The following ARRDC4 variants were observed in gnomAD, a reference collection of about 807,000 sequenced individuals.
The protein encoded by ARRDC4 is arrestin domain containing 4.
ARRDC4 carries 40 observed loss-of-function variants against 44.6 expected under a neutral mutation model. That is an observed-to-expected ratio of 0.90 (90% CI 0.70 to 1.17). The LOEUF (loss-of-function observed/expected upper bound fraction) is 1.17, where lower values mean the gene tolerates loss of function less well. ARRDC4 is among the 50% of genes most tolerant of loss of function. ARRDC4 has a pLI of 0.00. For missense variants in ARRDC4, 550 were observed against 559.1 expected, an observed-to-expected ratio of 0.98 and a Z score of 0.16; for synonymous variants, 211 against 221.2, an observed-to-expected ratio of 0.95 and a Z score of 0.41.
At position 97,971,302 on chromosome 15, in the gene ARRDC4, G is replaced by C. The variant is rs3803386; in HGVS notation, c.*115G>C. The C allele has an allele frequency of 0.033, 34,512 of 1,050,588 alleles. 1,217 individuals carry two copies. Among genetic ancestry groups the C allele is most frequent in the East Asian group, 0.19 (7,881 of 41,478 alleles). The allele number at this position is 1,050,588 out of a possible 1,614,324, so 65.1% of individuals were successfully genotyped here. A position where few individuals can be genotyped will look rare whatever the true frequency, so the allele number is the denominator to read the frequency against. ...ACTTGAAAACATAAATGAACGTCAA[G>C]ACTGAAGGCAATAGAAATTAAAGAA... On this transcript the variant is annotated 3_prime_UTR_variant, in exon 8 of 8. Coordinates refer to ENST00000268042, the MANE Select transcript of ARRDC4 (RefSeq NM_183376.3).
At position 97,969,342 on chromosome 15, in the gene ARRDC4, T is replaced by C. The variant is rs1899469469; in HGVS notation, c.845T>C (p.Leu282Pro). ...LKIPPVTPSI[L>P]DCCIIRVDYS... ...ATCCCACCTGTTACTCCATCCATCC[T>C]GGATTGCTGCATTATCAGAGTGGAC... The change falls in exon 5 of 8, where the codon CTG becomes CCG. Residue 282 changes from leucine (L) to proline (P), a missense_variant. Physicochemically the swap from Leu to Pro is moderately conservative, Grantham distance 98. Coordinates refer to ENST00000268042, the MANE Select transcript of ARRDC4 (RefSeq NM_183376.3). The C allele has an allele frequency of 8.1e-6, 13 of 1,613,918 alleles. No homozygotes were observed. Among genetic ancestry groups the C allele is most frequent in the Non-Finnish European group, 9.3e-6 (11 of 1,179,824 alleles).
rs1899422894 is a variant in ARRDC4 at position 97,966,599 on chromosome 15, T to C, written c.522+557T>C. 1.3e-5 allele frequency among the ~76,000 whole-genome samples: 2 copies of C among 152,208 alleles called. No homozygotes were observed. Among genetic ancestry groups the C allele is most frequent in the Admixed American group, 1.3e-4 (2 of 15,284 alleles). The stretch of plus-strand genomic sequence containing the variant: ...TTTCCTTATGACAGATTTGGCCACA[T>C]TAAAGCATTGAACTTCTAATAATCA... On this transcript the variant is annotated intron_variant, in intron 3 of 7. Coordinates refer to ENST00000268042, the MANE Select transcript of ARRDC4 (RefSeq NM_183376.3). This position sits in a 1 kb window ranked among gnomAD's most constrained non-coding sequence, Gnocchi z 4.7.
Position 97,971,149 on chromosome 15 carries a change from G to A in ARRDC4, c.1219G>A (p.Asp407Asn), listed in dbSNP as rs140102944. 53 of 1,613,216 alleles carry A rather than the reference G, an allele frequency of 3.3e-5. No homozygotes were observed. The East Asian group carries it at 6.9e-4, about 21-fold the overall frequency. The change falls in exon 8 of 8, where the codon GAC becomes AAC. Residue 407 changes from aspartate (D) to asparagine (N), a missense_variant. Transcript: ENST00000268042. ...LYSEVDPHPS[D>N]VEESQPVSFI... ...TTTGCAGGTTGACCCACATCCTAGC[G>A]ACGTAGAAGAGAGCCAGCCTGTTTC...
intron 1 of ARRDC4, among the ~76,000 whole-genome samples, chr15:97,962,653 G>C (rs1899341668): frequency 6.6e-6 from 1 of 152,156 alleles, no homozygotes; most frequent in African/African-American, 2.4e-5. Context: ...ATGTGGAACA[G>C]AATGTAAAAA....
At position 97,971,175 on chromosome 15, in the gene ARRDC4, C is replaced by T. The variant is rs1567195084; in HGVS notation, c.1245C>T (p.Ser415=). 2 of 1,613,218 alleles carry T rather than the reference C, an allele frequency of 1.2e-6. No homozygotes were observed. The change falls in exon 8 of 8, where the codon TCC becomes TCT. Residue 415 remains serine, a synonymous_variant. Coordinates refer to ENST00000268042, the MANE Select transcript of ARRDC4 (RefSeq NM_183376.3). ...PSDVEESQPV[S]FIL Reference sequence around the variant, plus strand: ...ACGTAGAAGAGAGCCAGCCTGTTTCCTTCATTCTCTGAACGTATTTCAGAA... The same window carrying T: ...ACGTAGAAGAGAGCCAGCCTGTTTCTTTCATTCTCTGAACGTATTTCAGAA...
rs751955451 is a variant in ARRDC4 at position 97,961,118 on chromosome 15, C to G, written c.257C>G (p.Ser86Trp). 3 of 1,459,438 alleles carry G rather than the reference C, an allele frequency of 2.1e-6. No individual in the cohort carries two copies. The highest frequency in any genetic ancestry group is 1.5e-5 in the African/African-American group (1 of 67,544). The allele number at this position is 1,459,438 out of a possible 1,614,324, so 90.4% of individuals were successfully genotyped here. A position where few individuals can be genotyped will look rare whatever the true frequency, so the allele number is the denominator to read the frequency against. Residue 86 changes from serine (S) to tryptophan (W), a missense_variant, in exon 1 of 8, where the codon TCG becomes TGG. Ser to Trp is a radical substitution (Grantham distance 177). Coordinates refer to ENST00000268042, the MANE Select transcript of ARRDC4 (RefSeq NM_183376.3). ...AGCACCGCGGCCCTGGCTGTCTTCT[C>G]GGAGGTGGAGTACCTGAACGTGCGC... ...SASTAALAVFSEVEYLNVRLS... is the reference protein window; with the variant it reads ...SASTAALAVFWEVEYLNVRLS...
chr15:97,969,736 A>G, intron 5 of ARRDC4, 147 bp from the exon 6 acceptor site: 1 of 739,112 alleles, frequency 1.4e-6, no homozygotes, highest in Non-Finnish European at 2.1e-6. Context: ...ATTTTGTTTA[A>G]TCAAGACAAT....
chr15:97,964,997 TACACAC>T (rs138550311), intron 1 of ARRDC4, among the ~76,000 whole-genome samples: 5,469 of 147,930 alleles, frequency 0.037, 215 homozygotes, highest in Non-Finnish European at 0.055. Context: ...GATTTTTACA[TACACAC>T]ACACACACAC....
intron 1 of ARRDC4, among the ~76,000 whole-genome samples, chr15:97,963,737 T>C (rs12440256): frequency 0.79 from 120,795 of 152,198 alleles, 48,426 homozygotes; most frequent in African/African-American, 0.9. Context: ...GAGGATTATC[T>C]GCGGTGCCTG....
Position 97,965,593 on chromosome 15 carries a change from C to T in ARRDC4, c.308-7C>T, listed in dbSNP as rs142177734. The T allele has an allele frequency of 2.9e-4, 467 of 1,600,542 alleles. 1 individual carries two copies. The African/African-American group carries it at 5.5e-3, about 19-fold the overall frequency. On this transcript the variant is annotated splice_polypyrimidine_tract_variant and splice_region_variant and intron_variant, in intron 1 of 7. Coordinates refer to ENST00000268042, the MANE Select transcript of ARRDC4 (RefSeq NM_183376.3). The surrounding 1 kb of genome is among the most constrained non-coding windows in gnomAD (Gnocchi z 5.1). ...CCTTCATTAAAATAAAATACAATCT[C>T]TTATAGGTGAAGGCATCATTTTATT... is the stretch of plus-strand genomic sequence containing the variant.
In ARRDC4 at chr15:97,965,820, A is replaced by G; in HGVS notation, c.375-75A>G. On this transcript the variant is annotated intron_variant, in intron 2 of 7. Transcript: ENST00000268042. The surrounding 1 kb of genome is among the most constrained non-coding windows in gnomAD (Gnocchi z 5.1). ...TCTTTTTTTATTTCCAACCTAAAAC[A>G]TTTTAAACCATGCTTTTTTTGGCTT... The G allele has an allele frequency of 6.4e-7, 1 of 1,563,162 alleles. No individual in the cohort carries two copies.
In ARRDC4 at chr15:97,965,403, A is replaced by C. The variant is rs1413747732; in HGVS notation, c.308-197A>C. Among the ~76,000 whole-genome samples the C allele has an allele frequency of 1.3e-5, 2 of 151,694 alleles. No individual in the cohort carries two copies. The highest frequency in any genetic ancestry group is 2.9e-5 in the Non-Finnish European group (2 of 67,966). ...ACTCTGGCCTGGGCAATAGAGCGAG[A>C]CCCTGTCTCTAAAACACATAGACAC... On this transcript the variant is annotated intron_variant, in intron 1 of 7. Transcript: ENST00000268042. This position sits in a 1 kb window ranked among gnomAD's most constrained non-coding sequence, Gnocchi z 5.1.
intron 5 of ARRDC4, among the ~76,000 whole-genome samples, chr15:97,969,655 A>G (rs956788354): frequency 6.6e-6 from 1 of 152,168 alleles, no homozygotes; most frequent in African/African-American, 2.4e-5. Flanking sequence ...AAGCCATGCA[A>G]ACCTACAATG....
Position 97,965,963 on chromosome 15 carries a change from G to C in ARRDC4, c.443G>C (p.Arg148Pro), listed in dbSNP as rs200384116. 1 of 1,614,008 alleles carries C rather than the reference G, an allele frequency of 6.2e-7. No homozygotes were observed. The highest frequency in any genetic ancestry group is 1.7e-5 in the Admixed American group (1 of 60,000). ...IQYCVRAVLE[R>P]PKVPDQSVKR... ...TACTGTGTGCGGGCAGTGTTGGAAC[G>C]ACCCAAGGTACCTGATCAGAGTGTA... Residue 148 changes from arginine (R) to proline (P), a missense_variant, in exon 3 of 8, where the codon CGA (arginine) becomes CCA (proline). Coordinates refer to ENST00000268042, the MANE Select transcript of ARRDC4 (RefSeq NM_183376.3). This position sits in a 1 kb window ranked among gnomAD's most constrained non-coding sequence, Gnocchi z 5.1.
Position 97,966,147 on chromosome 15 carries a change from C to T in ARRDC4, c.522+105C>T. The T allele has an allele frequency of 2.3e-6, 3 of 1,296,406 alleles. No individual in the cohort carries two copies. The highest frequency in any genetic ancestry group is 3.2e-6 in the Non-Finnish European group (3 of 942,078). 80.3% of individuals were successfully genotyped at this position (1,296,406 alleles called of 1,614,324 possible). A position where few individuals can be genotyped will look rare whatever the true frequency, so the allele number is the denominator to read the frequency against. The stretch of plus-strand genomic sequence containing the variant: ...TTTAGCCAGTTTACTGGTAGTCTGT[C>T]CTGTCACTTTCTGATGGCTTGGAAA... On this transcript the variant is annotated intron_variant, in intron 3 of 7. Transcript: ENST00000268042. The surrounding 1 kb of genome is among the most constrained non-coding windows in gnomAD (Gnocchi z 4.7).
chr15:97,970,057 T>C lies in ARRDC4; in HGVS notation c.1045+12T>C, dbSNP rs1404282051. Reference sequence around the variant, plus strand: ...AGAGCAGCCTGAAGGTAAAATATGTTGGCGTTCTTTCATAACGAAGCTTTA... The same window carrying C: ...AGAGCAGCCTGAAGGTAAAATATGTCGGCGTTCTTTCATAACGAAGCTTTA... On this transcript the variant is annotated intron_variant, in intron 6 of 7. Coordinates refer to ENST00000268042, the MANE Select transcript of ARRDC4 (RefSeq NM_183376.3). This position sits in a 1 kb window ranked among gnomAD's most constrained non-coding sequence, Gnocchi z 4.2. 6.2e-7 allele frequency: 1 copy of C among 1,601,222 alleles called. No homozygotes were observed. The highest frequency in any genetic ancestry group is 8.5e-7 in the Non-Finnish European group (1 of 1,169,924).
chr15:97,965,632 CA>C lies in ARRDC4; in HGVS notation c.341del (p.His114LeufsTer43), dbSNP rs1283993153. The C allele has an allele frequency of 6.2e-7, 1 of 1,613,494 alleles. No homozygotes were observed. Among genetic ancestry groups the C allele is most frequent in the Admixed American group, 1.7e-5 (1 of 60,012 alleles). ...EGIILLQPGK[H>X]EFPFRFQLPS... ...CATCATTTTATTACAGCCTGGAAAACATGAATTTCCATTTCGCTTTCAACTT... is the reference window on the plus strand; with the variant it reads ...CATCATTTTATTACAGCCTGGAAAACTGAATTTCCATTTCGCTTTCAACTT... On this transcript the variant is annotated frameshift_variant, in exon 2 of 8. Transcript: ENST00000268042. LOFTEE classifies it high-confidence loss of function. This position sits in a 1 kb window ranked among gnomAD's most constrained non-coding sequence, Gnocchi z 5.1.
At chr15:97,964,782 C>T (rs968273591) in intron 1 of ARRDC4, among the ~76,000 whole-genome samples, 1 of 151,942 alleles carries the variant, frequency 6.6e-6, no homozygotes, top group African/African-American at 2.4e-5. Flanking sequence ...AATAGCTTGT[C>T]TTGTGGGTTT....
At position 97,973,774 on chromosome 15, in the gene ARRDC4, T is replaced by G. The variant is rs1026837494; in HGVS notation, c.*2587T>G. 6.6e-6 allele frequency: 1 copy of G among 152,530 alleles called. No homozygotes were observed. The highest frequency in any genetic ancestry group is 2.4e-5 in the African/African-American group (1 of 41,444). The allele number at this position is 152,530 out of a possible 1,614,324, so 9.4% of individuals were successfully genotyped here. On this transcript the variant is annotated 3_prime_UTR_variant, in exon 8 of 8. Coordinates refer to ENST00000268042, the MANE Select transcript of ARRDC4 (RefSeq NM_183376.3). ...CAATTTAACCCACAGGAAAAAAAAT[T>G]ACTTTGTATGCTTGTTTGAACCCTA... is the stretch of plus-strand genomic sequence containing the variant.
Sources: gnomAD v4.1 joint callset for allele counts (sites outside exome capture counted in the v4.1 genomes callset) on GRCh38, gnomAD v4.1.1 for gene constraint, Gnocchi (gnomAD v3.1) non-coding constraint, MANE v1.5 for transcripts, NCBI Gene and HGNC (gene_info 2026-07-23, HGNC 2026-07-21) for gene names.